SNRPN: variants seen among roughly 807,000 people sequenced by gnomAD.
The protein encoded by SNRPN is small nuclear ribonucleoprotein-associated protein N.
Under a neutral mutation model 25.2 loss-of-function variants are expected in SNRPN, and 7 were observed. The ratio of observed to expected loss-of-function variants is 0.28; its 90% confidence interval spans 0.16 to 0.52. The LOEUF is 0.52. Ranked by LOEUF, SNRPN falls within the 20% of genes least tolerant of loss-of-function variation. The pLI, the probability that SNRPN is intolerant of heterozygous loss-of-function variation, is 0.96. For synonymous variants in SNRPN, 124 were observed against 110.6 expected (o/e 1.12, Z -0.76); for missense variants, 196 against 322.5 (o/e 0.61, Z 3.00).
intron 1 of SNRPN, among the ~76,000 whole-genome samples, chr15:24,885,716 CTGTGTG>C (rs58691279): frequency 0.049 from 6,995 of 141,678 alleles, 218 homozygotes; most frequent in Non-Finnish European, 0.069. Context: ...GAATCTGGGG[CTGTGTG>C]TGTGTGTGTG....
intron 6 of SNRPN, 80 bp from the exon 7 acceptor site, chr15:24,976,797 A>G: frequency 7.8e-7 from 1 of 1,289,848 alleles, no homozygotes; most frequent in Non-Finnish European, 1.1e-6. Context: ...AAAATGGTGG[A>G]GAGAAGTGAT....
intron 2 of SNRPN, chr15:24,912,586 T>C (rs539924142): frequency 3.9e-5 from 6 of 152,306 alleles, no homozygotes; most frequent in African/African-American, 1.2e-4. Context: ...ATGGTTTGAA[T>C]AATGGTGTCC....
intron 2 of SNRPN, among the ~76,000 whole-genome samples, chr15:24,911,297 T>A (rs1351998242): frequency 6.6e-6 from 1 of 152,140 alleles, no homozygotes; most frequent in Non-Finnish European, 1.5e-5. Flanking sequence ...ATAAGGAGAT[T>A]AGTATGACTA....
At position 24,866,950 on chromosome 15, in the gene SNRPN, C is replaced by T. The variant is rs180803756; in HGVS notation, c.-579+10234C>T. ...TGTCAACGGACACATAGGTTGATTC[C>T]GTATGTTTGCTATTGTGAACAATGT... On this transcript the variant is annotated intron_variant, in intron 1 of 11. Transcript: ENST00000400097. Among the ~76,000 whole-genome samples, 1,099 of 151,698 alleles carry T rather than the reference C, an allele frequency of 7.2e-3. 22 individuals carry two copies. Among genetic ancestry groups the T allele is most frequent in the African/African-American group, 0.025 (1,040 of 41,120 alleles).
upstream of SNRPN, among the ~76,000 whole-genome samples, chr15:24,854,488 G>C (rs975289262): frequency 2.6e-5 from 4 of 152,148 alleles, no homozygotes; most frequent in African/African-American, 9.7e-5. Context: ...TTTTTGGGTT[G>C]ATTGCTCATA....
At chr15:24,908,683 C>T (rs1021279382) in intron 2 of SNRPN, among the ~76,000 whole-genome samples, 7 of 126,342 alleles carry the variant, frequency 5.5e-5, no homozygotes, top group African/African-American at 2.7e-4. Flanking sequence ...ACCATACCAA[C>T]TCAAAGTTAC....
intron 2 of SNRPN, chr15:24,909,483 C>CA: frequency 6.4e-7 from 1 of 1,570,182 alleles, no homozygotes; most frequent in Non-Finnish European, 8.7e-7. Flanking sequence ...TTGTCCATGC[C>CA]AAACCTACTG....
chr15:24,916,300 T>C (rs1034739253), intron 2 of SNRPN, among the ~76,000 whole-genome samples: 18 of 152,088 alleles, frequency 1.2e-4, no homozygotes, highest in African/African-American at 4.1e-4. Flanking sequence ...TGGGTTAATG[T>C]TTCAAAGTGA....
At chr15:24,954,617 T>A (rs1596133428), upstream of SNRPN, among the ~76,000 whole-genome samples, 1 of 152,350 alleles carries the variant, frequency 6.6e-6, no homozygotes, top group South Asian at 2.1e-4. Context: ...CAAACCAGCT[T>A]TTTTGTACCG....
At chr15:24,964,023 TC>T (rs2075254693) in intron 2 of SNRPN, among the ~76,000 whole-genome samples, 1 of 152,064 alleles carries the variant, frequency 6.6e-6, no homozygotes, top group African/African-American at 2.4e-5. Context: ...CAGAATGAGA[TC>T]TAGTCTCAAA....
chr15:24,830,722 G>A (rs72693627), intron 2 of SNRPN, among the ~76,000 whole-genome samples: 24,836 of 151,798 alleles, frequency 0.16, 2,157 homozygotes, highest in East Asian at 0.28. Context: ...TAATCTCCAC[G>A]TATTTTGCAA....
chr15:24,902,851 T>C lies in SNRPN; in HGVS notation c.-505+16262T>C, dbSNP rs558258990. Among the ~76,000 whole-genome samples, 6 of 152,336 alleles carry C rather than the reference T, an allele frequency of 3.9e-5. No homozygotes were observed. The South Asian group carries it at 8.3e-4, about 21-fold the overall frequency. On this transcript the variant is annotated intron_variant, in intron 2 of 11. Coordinates refer to the SNRPN transcript ENST00000400097. ...AAGAGTGAGCAGCAGCAAGATTTAT[T>C]GCAAAGAGCAAAAGAACAATGCTTC... is the stretch of plus-strand genomic sequence containing the variant.
intron 1 of SNRPN, among the ~76,000 whole-genome samples, chr15:24,867,201 C>T (rs1306715249): frequency 6.6e-6 from 1 of 152,138 alleles, no homozygotes; most frequent in South Asian, 2.1e-4. Flanking sequence ...TGAGGGGCCT[C>T]TATACTTTTT....
At chr15:24,856,808 A>G (rs1008798771) in intron 1 of SNRPN, 23 of 152,156 alleles carry the variant, frequency 1.5e-4, no homozygotes, top group African/African-American at 5.3e-4. Context: ...TTTCACATAA[A>G]CATCATCTAA....
At chr15:24,949,090 C>G (rs1421077304) in intron 3 of SNRPN, among the ~76,000 whole-genome samples, 1 of 135,002 alleles carries the variant, frequency 7.4e-6, no homozygotes, top group Non-Finnish European at 1.5e-5. Flanking sequence ...GGCGCAATCT[C>G]GGCTCATTGC....
chr15:24,825,353 G>A (rs1356916482), intron 1 of SNRPN, among the ~76,000 whole-genome samples: 1 of 151,770 alleles, frequency 6.6e-6, no homozygotes, highest in African/African-American at 2.4e-5. Flanking sequence ...TGTAATGAAG[G>A]ACAAGGGAAA....
intron 2 of SNRPN, among the ~76,000 whole-genome samples, chr15:24,906,770 G>C (rs557863616): frequency 6.6e-6 from 1 of 152,278 alleles, no homozygotes; most frequent in African/African-American, 2.4e-5. Flanking sequence ...CATTCTTACG[G>C]AGGCTATTAA....
chr15:24,824,003 TATTTA>T (rs2049908009), intron 1 of SNRPN, among the ~76,000 whole-genome samples: 1 of 152,162 alleles, frequency 6.6e-6, no homozygotes, highest in African/African-American at 2.4e-5. Flanking sequence ...TCGAAATACA[TATTTA>T]ATTATTTTCA....
chr15:24,851,204 G>A (rs2052792842), intron 2 of SNRPN: 1 of 152,202 alleles, frequency 6.6e-6, no homozygotes, highest in Non-Finnish European at 1.5e-5. Flanking sequence ...TCTGTTTTGG[G>A]TTTTGCCCAG....
Sources: allele counts gnomAD v4.1 joint callset (sites outside exome capture counted in the v4.1 genomes callset), GRCh38; gene constraint gnomAD v4.1.1; transcripts MANE v1.5; gene names NCBI Gene and HGNC (gene_info 2026-07-23, HGNC 2026-07-21).